ARVCF: variants seen among roughly 807,000 people sequenced by gnomAD.
The protein encoded by ARVCF is ARVCF delta catenin family member, also known as splicing regulator ARVCF.
Under a neutral mutation model 90.9 loss-of-function variants are expected in ARVCF, and 66 were observed. The observed-to-expected ratio is 0.73, with a 90% CI of 0.60 to 0.89. The LOEUF (loss-of-function observed/expected upper bound fraction) is 0.89. Ranked by LOEUF, ARVCF falls within the 40% of genes least tolerant of loss-of-function variation. The probability of loss-of-function intolerance (pLI) is 0.00; values close to 1 mark genes in which losing one functional copy is unlikely to be tolerated. For synonymous variants in ARVCF, 653 were observed against 603.4 expected, an observed-to-expected ratio of 1.08 and a Z score of -1.21; for missense variants, 1,469 against 1,382.3, an observed-to-expected ratio of 1.06 and a Z score of -1.00.
chr22:19,976,529 A>C (rs1943161734), intron 10 of ARVCF, among the ~76,000 whole-genome samples, 177 bp downstream of exon 10: 1 of 152,184 alleles, frequency 6.6e-6, no homozygotes, highest in Non-Finnish European at 1.5e-5. Context: ...CCAGGTAGGC[A>C]AGTCTGAGGT....
Position 19,970,011 on chromosome 22 carries a change from C to T in ARVCF, c.*745G>A, listed in dbSNP as rs1942658097. On this transcript the variant is annotated 3_prime_UTR_variant, in exon 20 of 20. Coordinates refer to ENST00000263207, the MANE Select transcript of ARVCF (RefSeq NM_001670.3). ...CAGTGTTTTTCTTCTGTTTCTGAGT[C>T]ACGAACAGCAGGCACTGAAAGCAGT... is the stretch of plus-strand genomic sequence containing the variant. 1 of 985,502 alleles carries T rather than the reference C, an allele frequency of 1.0e-6. No individual in the cohort carries two copies. Among genetic ancestry groups the T allele is most frequent in the Non-Finnish European group, 1.2e-6 (1 of 829,950 alleles). 61.0% of individuals were successfully genotyped at this position (985,502 alleles called of 1,614,324 possible).
chr22:19,997,292 C>T (rs1400119515), intron 2 of ARVCF, among the ~76,000 whole-genome samples: 2 of 152,176 alleles, frequency 1.3e-5, no homozygotes, highest in African/African-American at 2.4e-5. Flanking sequence ...GCAGGGCAGG[C>T]GAGTGTCCCA....
chr22:19,970,951 T>C (rs1942731187), intron 19 of ARVCF, among the ~76,000 whole-genome samples: 1 of 152,124 alleles, frequency 6.6e-6, no homozygotes, highest in South Asian at 2.1e-4. Context: ...TTGGAGGGTA[T>C]GGTGCCCATC....
At chr22:19,997,943 G>A (rs183631361) in intron 2 of ARVCF, among the ~76,000 whole-genome samples, 65 of 152,330 alleles carry the variant, frequency 4.3e-4, no homozygotes, top group African/African-American at 1.3e-3. Context: ...CAGTGGAGGC[G>A]GAGGCGGGGT....
At chr22:19,981,825 C>T (rs547178946) in intron 4 of ARVCF, 88 bp from the exon 5 acceptor site, 31 of 1,548,750 alleles carry the variant, frequency 2.0e-5, no homozygotes, top group African/African-American at 1.8e-4. Context: ...ATTTCCCACT[C>T]GAGCAATGAG....
chr22:19,972,005 C>G (rs1332900982), intron 17 of ARVCF, 34 bp from the exon 18 acceptor site: 1 of 1,560,920 alleles, frequency 6.4e-7, no homozygotes, highest in African/African-American at 1.4e-5. Context: ...ATGAGGGGCG[C>G]TCTGAGGGAG....
intron 16 of ARVCF, 44 bp from the exon 17 acceptor site, chr22:19,972,455 G>C: frequency 2.5e-6 from 4 of 1,611,370 alleles, no homozygotes; most frequent in Non-Finnish European, 3.4e-6. Context: ...GGCAGCCAGG[G>C]GGGATCGGGG....
intron 1 of ARVCF, among the ~76,000 whole-genome samples, chr22:20,011,977 T>C (rs1340575645): frequency 6.6e-6 from 1 of 151,956 alleles, no homozygotes; most frequent in South Asian, 2.1e-4. Flanking sequence ...TGTCTCAGGT[T>C]GGCTATATAC....
intron 2 of ARVCF, among the ~76,000 whole-genome samples, chr22:20,005,676 C>T (rs534239548): frequency 6.6e-6 from 1 of 152,018 alleles, no homozygotes; most frequent in South Asian, 2.1e-4. Flanking sequence ...AAAAATTAGC[C>T]GGGCGTGGTG....
At chr22:19,966,518 G>C (rs570129778), downstream of ARVCF, among the ~76,000 whole-genome samples, 23 of 150,898 alleles carry the variant, frequency 1.5e-4, no homozygotes, top group South Asian at 4.6e-3. Context: ...ATAGCTCACT[G>C]TAGCCTCAAA....
At chr22:19,996,781 T>C (rs1368054425) in intron 2 of ARVCF, among the ~76,000 whole-genome samples, 1 of 152,030 alleles carries the variant, frequency 6.6e-6, no homozygotes, top group Non-Finnish European at 1.5e-5. Flanking sequence ...CAGGGACCAA[T>C]CTCCCCAGGG....
Position 19,973,803 on chromosome 22 carries a change from C to T in ARVCF, c.2089-10G>A, listed in dbSNP as rs781525044. ...GGATGTACGTGGCCCACTGCGGAGG[C>T]GGGGAGAGGGTTGCTCAGACATACA... On this transcript the variant is annotated splice_polypyrimidine_tract_variant and intron_variant, in intron 12 of 19. Transcript: ENST00000263207. The T allele has an allele frequency of 6.3e-7, 1 of 1,599,770 alleles. No individual in the cohort carries two copies. Among genetic ancestry groups the T allele is most frequent in the South Asian group, 1.1e-5 (1 of 90,774 alleles).
At chr22:20,014,215 G>C (rs1465012879) in intron 1 of ARVCF, among the ~76,000 whole-genome samples, 1 of 150,854 alleles carries the variant, frequency 6.6e-6, no homozygotes, top group African/African-American at 2.4e-5. Flanking sequence ...GTTTTTTGGA[G>C]ATAGAGTCTC....
chr22:19,976,594 C>A (rs565238562), intron 10 of ARVCF, 112 bp downstream of exon 10: 5 of 1,385,296 alleles, frequency 3.6e-6, no homozygotes, highest in Non-Finnish European at 3.9e-6. Flanking sequence ...GATGGCAGCC[C>A]GAGTGATGAA....
At chr22:19,997,983 C>T (rs575800364) in intron 2 of ARVCF, among the ~76,000 whole-genome samples, 11 of 152,346 alleles carry the variant, frequency 7.2e-5, no homozygotes, top group Non-Finnish European at 1.0e-4. Context: ...AGCTGAGCCC[C>T]GTCCTCTGTA....
At chr22:19,982,998 G>C (rs2146327564) in intron 3 of ARVCF, among the ~76,000 whole-genome samples, 1 of 152,344 alleles carries the variant, frequency 6.6e-6, no homozygotes, top group East Asian at 1.9e-4. Context: ...GCTCAAAGAG[G>C]ATAGGCTGGC....
intron 1 of ARVCF, among the ~76,000 whole-genome samples, chr22:20,016,021 A>G (rs1945099393): frequency 6.6e-6 from 1 of 152,194 alleles, no homozygotes; most frequent in South Asian, 2.1e-4. Context: ...GAGGGGGCGC[A>G]GGGCGGCGTG....
At chr22:20,014,312 A>G (rs1944945426) in intron 1 of ARVCF, among the ~76,000 whole-genome samples, 1 of 151,886 alleles carries the variant, frequency 6.6e-6, no homozygotes, top group Non-Finnish European at 1.5e-5. Context: ...CTCCTGCCTC[A>G]GCCTCTTGAG....
At position 19,996,686 on chromosome 22, in the gene ARVCF, C is replaced by T. The variant is rs116981066; in HGVS notation, c.-18-5874G>A. 3.0e-3 allele frequency among the ~76,000 whole-genome samples: 459 copies of T among 152,340 alleles called. 1 individual carries two copies. The highest frequency in any genetic ancestry group is 4.8e-3 in the Non-Finnish European group (325 of 68,032). On this transcript the variant is annotated intron_variant, in intron 2 of 19. Transcript: ENST00000263207. ...TGCCAGTCTACCACTCCTCGAAGCA[C>T]GCGCCGCTGGCATAATCAGAACCTC...
Sources: gnomAD v4.1 joint callset for allele counts (sites outside exome capture counted in the v4.1 genomes callset) on GRCh38, gnomAD v4.1.1 for gene constraint, MANE v1.5 for transcripts, NCBI Gene and HGNC (gene_info 2026-07-23, HGNC 2026-07-21) for gene names.